The following WWOX variants were observed in gnomAD, a reference collection of about 807,000 sequenced individuals.
WWOX encodes WW domain-containing oxidoreductase.
WWOX carries 69 observed loss-of-function variants against 46.2 expected under a neutral mutation model. That is an observed-to-expected ratio of 1.49 (90% CI 1.23 to 1.82). The LOEUF (loss-of-function observed/expected upper bound fraction) is 1.82. Ranked by LOEUF, WWOX falls within the 40% of genes most tolerant of loss-of-function variation. The probability of loss-of-function intolerance (pLI) is 0.00; values close to 1 mark genes in which losing one functional copy is unlikely to be tolerated. For synonymous variants in WWOX, 359 were observed against 202.6 expected (o/e 1.77, Z -6.56); for missense variants, 919 against 542.6 (o/e 1.69, Z -6.89).
chr16:79,179,666 C>G (rs947750446), intron 8 of WWOX, among the ~76,000 whole-genome samples: 6 of 152,330 alleles, frequency 3.9e-5, no homozygotes, highest in Non-Finnish European at 7.3e-5. Flanking sequence ...CACTGGAAAT[C>G]TATTACCTGA....
chr16:78,344,181 G>A (rs60637230), intron 5 of WWOX, among the ~76,000 whole-genome samples: 2,422 of 119,492 alleles, frequency 0.02, 575 homozygotes, highest in African/African-American at 0.067. Context: ...GTGCAGGGGA[G>A]AATGGCTGGT....
Position 78,120,296 on chromosome 16 carries a change from C to T in WWOX, c.409+5142C>T, listed in dbSNP as rs528100660. On this transcript the variant is annotated intron_variant, in intron 4 of 8. Coordinates refer to ENST00000566780, the MANE Select transcript of WWOX (RefSeq NM_016373.4). ...TGAAGGTATAAATATTTCAGCCGGG[C>T]GCGGTGGCTCACGCCTGTAATCCCA... Among the ~76,000 whole-genome samples the T allele has an allele frequency of 2.8e-3, 426 of 152,276 alleles. 2 individuals carry two copies. The highest frequency in any genetic ancestry group is 9.4e-3 in the African/African-American group (391 of 41,558).
At chr16:78,627,690 T>C (rs1425581629) in intron 8 of WWOX, among the ~76,000 whole-genome samples, 1 of 152,156 alleles carries the variant, frequency 6.6e-6, no homozygotes, top group South Asian at 2.1e-4. Context: ...ATAAATAACT[T>C]TGATGCAAAT....
At chr16:78,698,744 G>A (rs2048151540) in intron 8 of WWOX, among the ~76,000 whole-genome samples, 1 of 152,166 alleles carries the variant, frequency 6.6e-6, no homozygotes, top group African/African-American at 2.4e-5. Flanking sequence ...AGGAGACTGA[G>A]GCAGGAGGAT....
intron 8 of WWOX, among the ~76,000 whole-genome samples, chr16:78,836,316 T>G (rs934084764): frequency 6.6e-6 from 1 of 151,896 alleles, no homozygotes; most frequent in Non-Finnish European, 1.5e-5. Context: ...CACAAGGAGG[T>G]AAAACCTTAT....
intron 8 of WWOX, among the ~76,000 whole-genome samples, chr16:78,541,505 A>T (rs903800314): frequency 5.3e-5 from 7 of 132,900 alleles, no homozygotes; most frequent in African/African-American, 1.9e-4. Flanking sequence ...AAAAAAAAAA[A>T]AGACACGTAC....
At chr16:79,125,967 T>A (rs555344866) in intron 8 of WWOX, among the ~76,000 whole-genome samples, 108 of 152,342 alleles carry the variant, frequency 7.1e-4, no homozygotes, top group African/African-American at 2.5e-3. Context: ...GTGGTGTTTT[T>A]ACTCTAACAC....
intron 8 of WWOX, among the ~76,000 whole-genome samples, chr16:78,651,759 T>C (rs1244495672): frequency 6.6e-6 from 1 of 152,198 alleles, no homozygotes; most frequent in African/African-American, 2.4e-5. Flanking sequence ...ACCTCTTTCG[T>C]ATCAACTTAT....
chr16:78,229,054 C>T (rs990727606), intron 5 of WWOX, among the ~76,000 whole-genome samples: 7 of 152,004 alleles, frequency 4.6e-5, no homozygotes, highest in African/African-American at 1.7e-4. Flanking sequence ...GTTATTTGAC[C>T]TCATAATACC....
At chr16:79,052,580 T>C (rs1272607456) in intron 8 of WWOX, among the ~76,000 whole-genome samples, 3 of 152,218 alleles carry the variant, frequency 2.0e-5, no homozygotes, top group Non-Finnish European at 1.5e-5. Flanking sequence ...GGCCTTTGCC[T>C]CTTTTAAAAA....
At chr16:79,191,041 T>G (rs576748472) in intron 8 of WWOX, among the ~76,000 whole-genome samples, 4 of 152,210 alleles carry the variant, frequency 2.6e-5, no homozygotes, top group Non-Finnish European at 5.9e-5. Context: ...GACTTCTTTT[T>G]TTTGTTGTTT....
At chr16:78,313,642 G>C (rs577671194) in intron 5 of WWOX, among the ~76,000 whole-genome samples, 2 of 152,218 alleles carry the variant, frequency 1.3e-5, no homozygotes, top group South Asian at 4.1e-4. Context: ...TTGGGATTAC[G>C]GGCATGAGCC....
chr16:79,167,679 C>G (rs1043845256), intron 8 of WWOX, among the ~76,000 whole-genome samples: 1 of 152,210 alleles, frequency 6.6e-6, no homozygotes, highest in Non-Finnish European at 1.5e-5. Context: ...AAATTCAGGC[C>G]ACAATGACTT....
rs145832773 is a variant in WWOX, at chr16:78,350,249, C to T, written c.517-36611C>T. Reference sequence around the variant, plus strand: ...GTGATTTATTACTAGAAATTCTTAGCGAGCTGAAGTTTGTAAATTTTCTCA... The same window carrying T: ...GTGATTTATTACTAGAAATTCTTAGTGAGCTGAAGTTTGTAAATTTTCTCA... On this transcript the variant is annotated intron_variant, in intron 5 of 8. Transcript: ENST00000566780. Among the ~76,000 whole-genome samples the T allele has an allele frequency of 3.9e-4, 47 of 121,132 alleles. 7 individuals are homozygous for T. The highest frequency in any genetic ancestry group is 1.1e-3 in the African/African-American group (40 of 35,750). 79.5% of individuals were successfully genotyped at this position (121,132 alleles called of 152,430 possible). A position where few individuals can be genotyped will look rare whatever the true frequency, so the allele number is the denominator to read the frequency against.
At chr16:79,181,391 C>T (rs2050908653) in intron 8 of WWOX, among the ~76,000 whole-genome samples, 1 of 152,028 alleles carries the variant, frequency 6.6e-6, no homozygotes, top group Admixed American at 6.6e-5. Flanking sequence ...TGTTTTAGCC[C>T]TTATGAATAC....
chr16:78,787,897 T>A (rs2050495929), intron 8 of WWOX, among the ~76,000 whole-genome samples: 2 of 152,208 alleles, frequency 1.3e-5, no homozygotes, highest in African/African-American at 2.4e-5. Context: ...TCATGATTAA[T>A]GATGTTGAGT....
intron 8 of WWOX, among the ~76,000 whole-genome samples, chr16:78,543,758 C>A (rs962628589): frequency 2.0e-5 from 3 of 152,106 alleles, no homozygotes; most frequent in Non-Finnish European, 4.4e-5. Flanking sequence ...CCTGTGAGAT[C>A]CCTTGAATAT....
intron 5 of WWOX, among the ~76,000 whole-genome samples, chr16:78,174,165 C>T (rs181476569): frequency 6.6e-6 from 1 of 152,278 alleles, no homozygotes; most frequent in Non-Finnish European, 1.5e-5. Flanking sequence ...ACACCCACGA[C>T]TGGGAAGAAA....
chr16:79,030,484 A>C (rs776303474), intron 8 of WWOX, among the ~76,000 whole-genome samples: 1 of 152,174 alleles, frequency 6.6e-6, no homozygotes, highest in Non-Finnish European at 1.5e-5. Flanking sequence ...TGATGGCTTA[A>C]GGTTCCCACA....
Sources: allele counts gnomAD v4.1 joint callset (sites outside exome capture counted in the v4.1 genomes callset), GRCh38; gene constraint gnomAD v4.1.1; transcripts MANE v1.5; gene names NCBI Gene and HGNC (gene_info 2026-07-23, HGNC 2026-07-21).